The following CYP2C19 variants were observed in gnomAD, a reference collection of about 807,000 sequenced individuals.
The protein encoded by CYP2C19 is cytochrome P450 2C19.
CYP2C19 carries 59 observed loss-of-function variants against 40.9 expected under a neutral mutation model. The observed-to-expected ratio is 1.44, with a 90% CI of 1.17 to 1.79. The LOEUF is 1.79. CYP2C19 is among the 40% of genes most tolerant of loss of function. The pLI, the probability that CYP2C19 is intolerant of heterozygous loss-of-function variation, is 0.00. For missense variants in CYP2C19, 754 were observed against 596.9 expected (o/e 1.26, Z -2.74); for synonymous variants, 253 against 208.7 (o/e 1.21, Z -1.83).
In CYP2C19 at chr10:94,775,642, C is replaced by A. The variant is rs889463085; in HGVS notation, c.481+103C>A. The A allele has an allele frequency of 5.6e-6, 9 of 1,593,978 alleles. No homozygotes were observed. In the African/African-American group the frequency reaches 1.2e-4, roughly 21 times the overall value. On this transcript the variant is annotated intron_variant, in intron 3 of 8. Transcript: ENST00000371321. The stretch of plus-strand genomic sequence containing the variant: ...GGTGGCCAGATCTTTTATTTGGAGT[C>A]CTGGTTGTTAGCTCATGTGAAGCAG...
At chr10:94,840,096 C>T (rs115788154) in intron 6 of CYP2C19, among the ~76,000 whole-genome samples, 1 of 152,006 alleles carries the variant, frequency 6.6e-6, no homozygotes, top group South Asian at 2.1e-4. Context: ...TTTCTACCGA[C>T]TGAATGCATT....
rs968144188 is a variant in CYP2C19 at position 94,799,166 on chromosome 10, C to T, written c.819+17169C>T. On this transcript the variant is annotated intron_variant, in intron 5 of 8. Coordinates refer to ENST00000371321, the MANE Select transcript of CYP2C19 (RefSeq NM_000769.4). ...GGTTTGTTCCTTTCCATGTTTAGTG[C>T]TTCCTTCAGGAGCTCTTGTAAAGCA... 2.0e-5 allele frequency among the ~76,000 whole-genome samples: 3 copies of T among 152,016 alleles called. No homozygotes were observed. The East Asian group carries it at 5.8e-4, about 29-fold the overall frequency.
intron 5 of CYP2C19, among the ~76,000 whole-genome samples, chr10:94,788,285 TTA>T (rs1848568344): frequency 5.3e-5 from 8 of 152,190 alleles, no homozygotes; most frequent in African/African-American, 1.9e-4. Context: ...GGAAGGTTCT[TTA>T]GGGTTTTCTA....
At chr10:94,790,454 C>T (rs1215469859) in intron 5 of CYP2C19, among the ~76,000 whole-genome samples, 1 of 152,094 alleles carries the variant, frequency 6.6e-6, no homozygotes, top group East Asian at 1.9e-4. Context: ...CCAGTTTTTG[C>T]CCATTCAGTA....
chr10:94,809,436 G>A (rs1459703885), intron 5 of CYP2C19, among the ~76,000 whole-genome samples: 9 of 152,000 alleles, frequency 5.9e-5, no homozygotes, highest in Admixed American at 1.3e-4. Context: ...ACTTTTTAAC[G>A]TGATATAATC....
At chr10:94,827,411 A>G (rs1849246025) in intron 6 of CYP2C19, among the ~76,000 whole-genome samples, 2 of 151,894 alleles carry the variant, frequency 1.3e-5, no homozygotes, top group African/African-American at 2.4e-5. Context: ...GTGTCGAGGA[A>G]TGTATCCATT....
At chr10:94,785,698 TTGTC>T (rs778626488) in intron 5 of CYP2C19, among the ~76,000 whole-genome samples, 2 of 152,246 alleles carry the variant, frequency 1.3e-5, no homozygotes, top group East Asian at 1.9e-4. Flanking sequence ...CCCTAAATCA[TTGTC>T]TGGCAAAGAG....
chr10:94,831,576 C>G (rs1412583573), intron 6 of CYP2C19, among the ~76,000 whole-genome samples: 1 of 152,176 alleles, frequency 6.6e-6, no homozygotes, highest in Non-Finnish European at 1.5e-5. Context: ...TATTGCCTGT[C>G]TTTTGGATAT....
chr10:94,829,623 A>C (rs373456842), intron 6 of CYP2C19, among the ~76,000 whole-genome samples: 19 of 151,966 alleles, frequency 1.3e-4, no homozygotes, highest in Admixed American at 3.3e-4. Flanking sequence ...GCTCAGAGTA[A>C]TTTGATCGTC....
intron 5 of CYP2C19, among the ~76,000 whole-genome samples, chr10:94,784,961 G>C (rs1848522610): frequency 6.6e-6 from 1 of 151,998 alleles, no homozygotes; most frequent in Non-Finnish European, 1.5e-5. Context: ...TTACCCATTT[G>C]TATATCTTCT....
chr10:94,770,873 G>T (rs1001114843), intron 1 of CYP2C19, among the ~76,000 whole-genome samples: 10 of 152,102 alleles, frequency 6.6e-5, no homozygotes, highest in Non-Finnish European at 1.5e-4. Context: ...TCCATACTGG[G>T]GATGGCTTGC....
intron 5 of CYP2C19, among the ~76,000 whole-genome samples, chr10:94,817,423 G>T (rs1198136513): frequency 2.1e-5 from 3 of 143,170 alleles, no homozygotes; most frequent in Non-Finnish European, 4.6e-5. Flanking sequence ...TTTTGATGGG[G>T]TTGTTTGTTT....
At chr10:94,831,074 C>T (rs1462992937) in intron 6 of CYP2C19, among the ~76,000 whole-genome samples, 1 of 152,118 alleles carries the variant, frequency 6.6e-6, no homozygotes. Flanking sequence ...ACTTTATGTC[C>T]ATTAGTTAAA....
At chr10:94,848,152 C>T (rs1367267763) in intron 7 of CYP2C19, among the ~76,000 whole-genome samples, 1 of 152,112 alleles carries the variant, frequency 6.6e-6, no homozygotes, top group African/African-American at 2.4e-5. Flanking sequence ...AGTCCTTGCC[C>T]ATGCCTATGT....
intron 5 of CYP2C19, among the ~76,000 whole-genome samples, chr10:94,792,552 G>T (rs12268235): frequency 0.2 from 30,548 of 152,058 alleles, 3,287 homozygotes; most frequent in Middle Eastern, 0.23. Context: ...AGGCCTGGTG[G>T]TGACAAAATT....
At chr10:94,763,898 T>C (rs914827389) in intron 1 of CYP2C19, among the ~76,000 whole-genome samples, 1 of 152,122 alleles carries the variant, frequency 6.6e-6, no homozygotes, top group African/African-American at 2.4e-5. Flanking sequence ...TTCCTTCAGA[T>C]GTTCAGATGC....
At chr10:94,821,655 C>G (rs141936406) in intron 6 of CYP2C19, among the ~76,000 whole-genome samples, 3 of 152,088 alleles carry the variant, frequency 2.0e-5, no homozygotes, top group Non-Finnish European at 4.4e-5. Context: ...TAAAGACTTT[C>G]GGTTATGCTG....
chr10:94,802,230 C>T (rs989125713), intron 5 of CYP2C19, among the ~76,000 whole-genome samples: 1 of 152,066 alleles, frequency 6.6e-6, no homozygotes, highest in South Asian at 2.1e-4. Context: ...TTTTACAGAG[C>T]GCTGATTGGT....
At chr10:94,832,348 G>C (rs1849347106) in intron 6 of CYP2C19, among the ~76,000 whole-genome samples, 1 of 152,324 alleles carries the variant, frequency 6.6e-6, no homozygotes, top group South Asian at 2.1e-4. Context: ...TTACATGGTG[G>C]CAGACAGAGA....
Sources: allele counts gnomAD v4.1 joint callset (sites outside exome capture counted in the v4.1 genomes callset), GRCh38; gene constraint gnomAD v4.1.1; transcripts MANE v1.5; gene names NCBI Gene and HGNC (gene_info 2026-07-23, HGNC 2026-07-21).